UBE2E2: variants seen among roughly 807,000 people sequenced by gnomAD.
UBE2E2 encodes the protein ubiquitin-conjugating enzyme E2 E2.
Under a neutral mutation model 24.7 loss-of-function variants are expected in UBE2E2, and 6 were observed. The ratio of observed to expected loss-of-function variants is 0.24; its 90% CI spans 0.13 to 0.48. The LOEUF (loss-of-function observed/expected upper bound fraction) is 0.48, where lower values mean the gene tolerates loss of function less well. Ranked by LOEUF, UBE2E2 falls within the 20% of genes least tolerant of loss-of-function variation. UBE2E2 has a pLI of 0.99. For synonymous variants in UBE2E2, 104 were observed against 83.6 expected (o/e 1.24, Z -1.33); for missense variants, 169 against 245.0 (o/e 0.69, Z 2.07).
chr3:23,302,187 T>G (rs112760028), intron 3 of UBE2E2, among the ~76,000 whole-genome samples: 3 of 152,144 alleles, frequency 2.0e-5, no homozygotes, highest in African/African-American at 7.2e-5. Context: ...CAGTCTGTTT[T>G]CAACAAAATT....
At chr3:23,354,972 AC>A (rs1236979625) in intron 3 of UBE2E2, among the ~76,000 whole-genome samples, 1 of 151,986 alleles carries the variant, frequency 6.6e-6, no homozygotes, top group Non-Finnish European at 1.5e-5. Context: ...AAGACTTGGA[AC>A]CAACCCAAAT....
intron 3 of UBE2E2, among the ~76,000 whole-genome samples, chr3:23,373,923 T>A (rs890392357): frequency 6.6e-6 from 1 of 152,172 alleles, no homozygotes; most frequent in Admixed American, 6.5e-5. Flanking sequence ...ATAGTGATGG[T>A]GTTTAAAAAT....
At chr3:23,387,415 A>G (rs1279252231) in intron 3 of UBE2E2, among the ~76,000 whole-genome samples, 1 of 152,138 alleles carries the variant, frequency 6.6e-6, no homozygotes, top group African/African-American at 2.4e-5. Flanking sequence ...GTCTGTAAAA[A>G]CCAACCTTGC....
intron 3 of UBE2E2, among the ~76,000 whole-genome samples, chr3:23,440,026 C>T (rs1698266817): frequency 6.6e-6 from 1 of 150,998 alleles, no homozygotes; most frequent in South Asian, 2.1e-4. Flanking sequence ...AATCCCAGTG[C>T]TTTGGGAGGC....
intron 3 of UBE2E2, among the ~76,000 whole-genome samples, chr3:23,492,239 A>G (rs1266349357): frequency 2.6e-5 from 4 of 152,218 alleles, no homozygotes; most frequent in Non-Finnish European, 2.9e-5. Context: ...GACTTTGGAC[A>G]TAGGTGCAAT....
At chr3:23,332,001 A>G (rs981759674) in intron 3 of UBE2E2, among the ~76,000 whole-genome samples, 1 of 152,186 alleles carries the variant, frequency 6.6e-6, no homozygotes, top group African/African-American at 2.4e-5. Context: ...TTTTACTTCT[A>G]AAGTCCTATG....
intron 3 of UBE2E2, among the ~76,000 whole-genome samples, chr3:23,273,304 C>A (rs11708117): frequency 0.4 from 60,140 of 151,948 alleles, 12,454 homozygotes; most frequent in Admixed American, 0.53. Context: ...CTTTGGGAGG[C>A]CGAGGTGGGC....
At chr3:23,537,222 C>A (rs2125489578) in intron 5 of UBE2E2, among the ~76,000 whole-genome samples, 1 of 152,294 alleles carries the variant, frequency 6.6e-6, no homozygotes, top group East Asian at 1.9e-4. Context: ...TGTGGTGCAG[C>A]CTGGACCAGC....
intron 3 of UBE2E2, among the ~76,000 whole-genome samples, chr3:23,357,251 A>G (rs1695982354): frequency 6.6e-6 from 1 of 152,184 alleles, no homozygotes; most frequent in Non-Finnish European, 1.5e-5. Context: ...TGTGGTGATT[A>G]TTGATTTCTG....
rs1425321083 is a variant in UBE2E2 at position 23,302,464 on chromosome 3, C to A, written c.227+85152C>A. On this transcript the variant is annotated intron_variant, in intron 3 of 5. Transcript: ENST00000396703. ...TGGCAAAAACACCGCACATTCTTAA[C>A]AGCTGAGTTCCATGCTTTTCAGGAA... is the stretch of plus-strand genomic sequence containing the variant. 2.0e-5 allele frequency among the ~76,000 whole-genome samples: 3 copies of A among 152,294 alleles called. No homozygotes were observed. The South Asian group carries it at 6.2e-4, about 32-fold the overall frequency.
intron 3 of UBE2E2, among the ~76,000 whole-genome samples, chr3:23,472,238 A>C (rs1699045566): frequency 6.6e-6 from 1 of 152,214 alleles, no homozygotes; most frequent in African/African-American, 2.4e-5. Flanking sequence ...AGCCAGACTT[A>C]CCTTCAGTTA....
chr3:23,566,601 A>G (rs1230046175), intron 5 of UBE2E2, among the ~76,000 whole-genome samples: 1 of 152,182 alleles, frequency 6.6e-6, no homozygotes, highest in East Asian at 1.9e-4. Flanking sequence ...CTTCCAATCA[A>G]TGGTGGAGAG....
At chr3:23,550,531 C>T (rs547340314) in intron 5 of UBE2E2, among the ~76,000 whole-genome samples, 83 of 152,122 alleles carry the variant, frequency 5.5e-4, no homozygotes, top group Admixed American at 1.6e-3. Context: ...GTTTTGTTAT[C>T]GCAAACTCCT....
chr3:23,304,685 T>G (rs1699193617), intron 3 of UBE2E2, among the ~76,000 whole-genome samples: 1 of 152,206 alleles, frequency 6.6e-6, no homozygotes, highest in South Asian at 2.1e-4. Flanking sequence ...ATATTTTTCT[T>G]CAATAATACA....
intron 3 of UBE2E2, among the ~76,000 whole-genome samples, chr3:23,302,207 C>A (rs1250922109): frequency 2.0e-5 from 3 of 152,278 alleles, no homozygotes; most frequent in Middle Eastern, 3.4e-3. Flanking sequence ...TCTGACCACT[C>A]TACTTCTATT....
chr3:23,496,201 G>C (rs1699597798), intron 3 of UBE2E2, among the ~76,000 whole-genome samples: 1 of 152,106 alleles, frequency 6.6e-6, no homozygotes, highest in Admixed American at 6.5e-5. Flanking sequence ...TACATATGCA[G>C]CAAGTTGCTT....
intron 5 of UBE2E2, among the ~76,000 whole-genome samples, chr3:23,537,437 CT>C (rs1351794791): frequency 7.9e-5 from 12 of 152,178 alleles, no homozygotes; most frequent in African/African-American, 2.7e-4. Flanking sequence ...GTGTGCAGAT[CT>C]GTATTAGAAC....
intron 3 of UBE2E2, among the ~76,000 whole-genome samples, chr3:23,331,446 C>G (rs1257916975): frequency 6.6e-6 from 1 of 150,984 alleles, no homozygotes; most frequent in African/African-American, 2.4e-5. Flanking sequence ...GTAATAAATA[C>G]TTTGGAGCAA....
chr3:23,553,675 T>C (rs961159747), intron 5 of UBE2E2, among the ~76,000 whole-genome samples: 7 of 152,176 alleles, frequency 4.6e-5, no homozygotes, highest in African/African-American at 1.7e-4. Flanking sequence ...CGTATCCATC[T>C]AATAAATAAA....
Sources: allele counts gnomAD v4.1 joint callset (sites outside exome capture counted in the v4.1 genomes callset), GRCh38; gene constraint gnomAD v4.1.1; transcripts MANE v1.5; gene names NCBI Gene and HGNC (gene_info 2026-07-23, HGNC 2026-07-21).